The following LEMD1 variants were observed in gnomAD, a reference collection of about 807,000 sequenced individuals.
LEMD1 encodes the protein LEM domain-containing protein 1.
In LEMD1, 18 loss-of-function variants were observed where a neutral mutation model predicts 17.4. The observed-to-expected ratio is 1.04, with a 90% CI of 0.72 to 1.54. LEMD1 has a LOEUF of 1.54. Among genes scored for constraint, LEMD1 ranks in the 40% most tolerant of loss-of-function variants. LEMD1 has a pLI of 0.00. For missense variants in LEMD1, 195 were observed against 210.4 expected, an observed-to-expected ratio of 0.93 and a Z score of 0.45; for synonymous variants, 88 against 77.8, an observed-to-expected ratio of 1.13 and a Z score of -0.69.
intron 4 of LEMD1, among the ~76,000 whole-genome samples, chr1:205,413,090 C>T (rs1208268808): frequency 1.3e-5 from 2 of 152,068 alleles, no homozygotes; most frequent in African/African-American, 2.4e-5. Context: ...GCATACATGG[C>T]AATGTTTACT....
intron 4 of LEMD1, among the ~76,000 whole-genome samples, chr1:205,404,473 T>C (rs1664997575): frequency 6.6e-6 from 1 of 152,184 alleles, no homozygotes; most frequent in African/African-American, 2.4e-5. Flanking sequence ...TCTTTGTCTC[T>C]TTTGATCTTT....
rs865988719 is a variant in LEMD1 at position 205,397,170 on chromosome 1, C to T, written c.271-12806G>A. Among the ~76,000 whole-genome samples the T allele has an allele frequency of 5.3e-5, 8 of 152,236 alleles. 1 individual carries two copies. Among genetic ancestry groups the T allele is most frequent in the South Asian group, 4.2e-4 (2 of 4,818 alleles). ...TGCTTCCGCGGGAAAACAGATGTCCCGAGTCCTTCTGTAATACCATGGAAA... is the reference window on the plus strand; with the variant it reads ...TGCTTCCGCGGGAAAACAGATGTCCTGAGTCCTTCTGTAATACCATGGAAA... On this transcript the variant is annotated intron_variant, in intron 4 of 5. Coordinates refer to ENST00000367153, the MANE Select transcript of LEMD1 (RefSeq NM_001199050.2).
intron 1 of LEMD1, among the ~76,000 whole-genome samples, chr1:205,434,320 T>C (rs1210531881): frequency 3.6e-5 from 5 of 139,678 alleles, no homozygotes; most frequent in Non-Finnish European, 7.8e-5. Context: ...TACAGGTGAA[T>C]GCTACCATGC....
chr1:205,406,222 T>A (rs1379697243), intron 4 of LEMD1, among the ~76,000 whole-genome samples: 1 of 152,248 alleles, frequency 6.6e-6, no homozygotes, highest in Non-Finnish European at 1.5e-5. Context: ...GGAGAACCAC[T>A]GCTCTCCTCA....
chr1:205,428,030 G>A (rs893721384), intron 1 of LEMD1, among the ~76,000 whole-genome samples: 2 of 152,256 alleles, frequency 1.3e-5, no homozygotes, highest in Non-Finnish European at 2.9e-5. Context: ...GAGGCTGGAA[G>A]ACTGGCAGAG....
chr1:205,400,849 C>CT lies in LEMD1; in HGVS notation c.270+15382_270+15383insA, dbSNP rs1487361586. Among the ~76,000 whole-genome samples, 48 of 111,408 alleles carry CT rather than the reference C, an allele frequency of 4.3e-4. No individual in the cohort carries two copies. In the East Asian group the frequency reaches 7.0e-3, roughly 16 times the overall value. The allele number at this position is 111,408 out of a possible 152,430, so 73.1% of individuals were successfully genotyped here. A position where few individuals can be genotyped will look rare whatever the true frequency, so the allele number is the denominator to read the frequency against. ...TATCTCCTAATGCTATCCCTCCCCC[C>CT]CCCCACCCCACAACAGTCACCAGAG... On this transcript the variant is annotated intron_variant, in intron 4 of 5. Transcript: ENST00000367153.
At chr1:205,407,427 C>T (rs918560509) in intron 4 of LEMD1, among the ~76,000 whole-genome samples, 1 of 151,924 alleles carries the variant, frequency 6.6e-6, no homozygotes, top group Non-Finnish European at 1.5e-5. Flanking sequence ...CACTGATAGC[C>T]AATGATTCAG....
chr1:205,442,895 G>A (rs1467869103), intron 1 of LEMD1, among the ~76,000 whole-genome samples: 3 of 152,276 alleles, frequency 2.0e-5, no homozygotes, highest in Non-Finnish European at 4.4e-5. Flanking sequence ...TCTATTCCTG[G>A]CTCTGATGCT....
chr1:205,430,740 G>T (rs1666114472), intron 1 of LEMD1, among the ~76,000 whole-genome samples: 1 of 152,204 alleles, frequency 6.6e-6, no homozygotes, highest in Non-Finnish European at 1.5e-5. Context: ...CCAAGCAGCC[G>T]GCGAGGCGCA....
intron 4 of LEMD1, among the ~76,000 whole-genome samples, chr1:205,398,382 G>C (rs534512484): frequency 6.6e-6 from 1 of 152,214 alleles, no homozygotes; most frequent in African/African-American, 2.4e-5. Flanking sequence ...CACTAGGCCT[G>C]CTGGTGGCAG....
chr1:205,393,712 G>C lies in LEMD1; in HGVS notation c.271-9348C>G, dbSNP rs959162663. Among the ~76,000 whole-genome samples the C allele has an allele frequency of 2.6e-5, 4 of 152,000 alleles. No homozygotes were observed. The East Asian group carries it at 7.7e-4, about 29-fold the overall frequency. On this transcript the variant is annotated intron_variant, in intron 4 of 5. Transcript: ENST00000367153. ...AAGGAAAATAGCAAGTGTTAGCAAGGATGTGTAGAAACTGCAAACCTCATA... is the reference window on the plus strand; with the variant it reads ...AAGGAAAATAGCAAGTGTTAGCAAGCATGTGTAGAAACTGCAAACCTCATA...
At chr1:205,422,070 G>A (rs752694635), upstream of LEMD1, 1 of 152,188 alleles carries the variant, frequency 6.6e-6, no homozygotes, top group Non-Finnish European at 1.5e-5. Context: ...GTTTCCACTA[G>A]CAACCAGTCC....
At chr1:205,419,534 A>C (rs1665860263) in intron 2 of LEMD1, among the ~76,000 whole-genome samples, 182 bp from the exon 3 acceptor site, 1 of 152,158 alleles carries the variant, frequency 6.6e-6, no homozygotes, top group South Asian at 2.1e-4. Flanking sequence ...GCTTGATCTC[A>C]GCTCACTGAA....
chr1:205,436,342 G>A (rs3795553), intron 1 of LEMD1: 4,227 of 152,306 alleles, frequency 0.028, 101 homozygotes, highest in East Asian at 0.071. Context: ...GGCAGCTACC[G>A]CTCACCCTCC....
rs796411062 is a variant in LEMD1 at position 205,396,564 on chromosome 1, G to A, written c.271-12200C>T. Among the ~76,000 whole-genome samples, 91 of 151,686 alleles carry A rather than the reference G, an allele frequency of 6.0e-4. 1 individual carries two copies. Among genetic ancestry groups the A allele is most frequent in the African/African-American group, 2.2e-3 (89 of 41,232 alleles). On this transcript the variant is annotated intron_variant, in intron 4 of 5. Coordinates refer to ENST00000367153, the MANE Select transcript of LEMD1 (RefSeq NM_001199050.2). ...ATGATCCAAATGTCCAACAAATAGGGAATGAATAAAAATACTTCTCCAATA... is the reference window on the plus strand; with the variant it reads ...ATGATCCAAATGTCCAACAAATAGGAAATGAATAAAAATACTTCTCCAATA...
chr1:205,398,850 C>A (rs769681716), intron 4 of LEMD1, among the ~76,000 whole-genome samples: 1 of 152,070 alleles, frequency 6.6e-6, no homozygotes. Context: ...TCCGTGGTCA[C>A]GGACATAGTT....
intron 4 of LEMD1, among the ~76,000 whole-genome samples, chr1:205,408,528 T>G (rs1212490323): frequency 2.0e-5 from 3 of 146,358 alleles, no homozygotes; most frequent in Non-Finnish European, 4.5e-5. Context: ...TGAGACAGGA[T>G]CTCACTCTGT....
intron 4 of LEMD1, 71 bp from the exon 5 acceptor site, chr1:205,384,435 T>C (rs536875765): frequency 2.9e-6 from 3 of 1,035,776 alleles, no homozygotes; most frequent in Non-Finnish European, 4.0e-6. Context: ...TTGGTTTTTA[T>C]TCTAGAAAAA....
intron 1 of LEMD1, among the ~76,000 whole-genome samples, chr1:205,444,928 A>C (rs1666357607): frequency 6.8e-6 from 1 of 147,276 alleles, no homozygotes; most frequent in Non-Finnish European, 1.5e-5. Flanking sequence ...AAGAGAAGTG[A>C]CCCAGTAAGG....
Sources: gnomAD v4.1 joint callset for allele counts (sites outside exome capture counted in the v4.1 genomes callset) on GRCh38, gnomAD v4.1.1 for gene constraint, MANE v1.5 for transcripts, NCBI Gene and HGNC (gene_info 2026-07-23, HGNC 2026-07-21) for gene names.